Variants in EPRS1 observed in about 807,000 individuals in gnomAD.
EPRS1 encodes the protein glutamyl-prolyl-tRNA synthetase 1, also known as bifunctional glutamate/proline--tRNA ligase.
EPRS1 carries 107 observed loss-of-function variants against 188.3 expected under a neutral mutation model. The observed-to-expected ratio is 0.57, with a 90% CI of 0.49 to 0.67. The LOEUF is 0.67. EPRS1 is among the 30% of genes least tolerant of loss of function. The probability of loss-of-function intolerance (pLI) is 0.00; values close to 1 mark genes in which losing one functional copy is unlikely to be tolerated. For missense variants in EPRS1, 1,577 were observed against 1,802.2 expected (o/e 0.88, Z 2.26); for synonymous variants, 596 against 593.1 (o/e 1.00, Z -0.07).
intron 24 of EPRS1, 31 bp from the exon 25 acceptor site, chr1:219,980,888 T>A: frequency 6.7e-7 from 1 of 1,500,206 alleles, no homozygotes; most frequent in Non-Finnish European, 9.1e-7. Flanking sequence ...ATTTAGTCAT[T>A]ATAAAGAGCT....
At chr1:219,980,452 A>G (rs3767673) in intron 25 of EPRS1, among the ~76,000 whole-genome samples, 3,827 of 152,314 alleles carry the variant, frequency 0.025, 85 homozygotes, top group Admixed American at 0.066. Context: ...ACTTTTTAAA[A>G]TGTATATATG....
chr1:219,969,036 T>G, intron 31 of EPRS1, 22 bp downstream of exon 31: 1 of 1,612,640 alleles, frequency 6.2e-7, no homozygotes, highest in East Asian at 2.2e-5. Flanking sequence ...TTTCAAAAGT[T>G]TTGCCAGTTA....
At chr1:220,040,154 G>C in intron 2 of EPRS1, 31 bp downstream of exon 2, 2 of 1,384,956 alleles carry the variant, frequency 1.4e-6, no homozygotes, top group Non-Finnish European at 2.0e-6. Context: ...AAGCCAATCA[G>C]TACTGAAAAT....
At chr1:220,015,515 T>C (rs1021023012) in intron 12 of EPRS1, among the ~76,000 whole-genome samples, 3 of 90,240 alleles carry the variant, frequency 3.3e-5, no homozygotes, top group Admixed American at 2.7e-4. Flanking sequence ...AGAAAGAAAA[T>C]AAAAGATGGA....
intron 8 of EPRS1, 100 bp downstream of exon 8, chr1:220,024,164 C>G (rs751534187): frequency 2.3e-5 from 20 of 851,720 alleles, no homozygotes; most frequent in Non-Finnish European, 3.3e-5. Context: ...AACAAACAAA[C>G]AAACAAAAAA....
rs749301108 is a variant in EPRS1, at chr1:220,001,184, G to T, written c.2135C>A (p.Thr712Lys). The change falls in exon 17 of 32, where the codon ACA (threonine) becomes AAA (lysine). Residue 712 changes from threonine (T) to lysine (K), a missense_variant. Physicochemically the swap from Thr to Lys is moderately conservative, Grantham distance 78. Around this residue, in one of 3 missense-constraint regions of EPRS1, gnomAD observed 1,278 missense variants for 1,457.4 expected, o/e 0.88. Coordinates refer to ENST00000366923, the MANE Select transcript of EPRS1 (RefSeq NM_004446.3). ...IPDGHTKEMPTSGSKEKTKVE... is the reference protein window; with the variant it reads ...IPDGHTKEMPKSGSKEKTKVE... ...TTTGGTCTTTTCCTTTGACCCTGAT[G>T]TTGGCATTTCCTTTGTGTGCCCATC... The T allele has an allele frequency of 1.2e-6, 2 of 1,613,840 alleles. No homozygotes were observed. Among genetic ancestry groups the T allele is most frequent in the Non-Finnish European group, 1.7e-6 (2 of 1,179,808 alleles).
intron 1 of EPRS1, among the ~76,000 whole-genome samples, chr1:220,043,466 T>C (rs561613856): frequency 6.6e-6 from 1 of 152,228 alleles, no homozygotes; most frequent in South Asian, 2.1e-4. Flanking sequence ...AAAGTCACTA[T>C]CTCGCAAACA....
rs564143805 is a variant in EPRS1, at chr1:220,031,087, T to C, written c.529-607A>G. On this transcript the variant is annotated intron_variant, in intron 5 of 31. Coordinates refer to ENST00000366923, the MANE Select transcript of EPRS1 (RefSeq NM_004446.3). ...AGCCTGGGTGACGAGCAAAACTCTG[T>C]CTCAAAAAAAAAAAAAAAAGTATAT... Among the ~76,000 whole-genome samples, 216 of 56,634 alleles carry C rather than the reference T, an allele frequency of 3.8e-3. 1 individual carries two copies. The highest frequency in any genetic ancestry group is 3.5e-3 in the Non-Finnish European group (109 of 31,392). 37.2% of individuals were successfully genotyped at this position (56,634 alleles called of 152,430 possible).
At chr1:220,030,629 T>C in intron 5 of EPRS1, 149 bp from the exon 6 acceptor site, 1 of 628,216 alleles carries the variant, frequency 1.6e-6, no homozygotes. Context: ...GGGTACAAAA[T>C]CTGGTTAAGA....
chr1:220,005,841 GTTT>G (rs1158202804), intron 15 of EPRS1, among the ~76,000 whole-genome samples: 2 of 19,498 alleles, frequency 1.0e-4, no homozygotes, highest in East Asian at 4.1e-3. Context: ...TTTTTTTTTT[GTTT>G]TTTTTTGTAG....
chr1:219,978,971 T>TA (rs1558271046), intron 27 of EPRS1, among the ~76,000 whole-genome samples: 2 of 143,160 alleles, frequency 1.4e-5, no homozygotes, highest in African/African-American at 5.1e-5. Context: ...TATATTTTTT[T>TA]TTCCCCCCCA....
chr1:219,977,120 T>C (rs1660795905), intron 28 of EPRS1, among the ~76,000 whole-genome samples: 1 of 152,134 alleles, frequency 6.6e-6, no homozygotes, highest in Non-Finnish European at 1.5e-5. Flanking sequence ...GTCAAATAAA[T>C]ATAAATCCAG....
chr1:220,027,263 A>C (rs1169063070), intron 6 of EPRS1, among the ~76,000 whole-genome samples: 2 of 151,992 alleles, frequency 1.3e-5, no homozygotes, highest in Non-Finnish European at 2.9e-5. Context: ...TCTCTACTAA[A>C]AAAAATACAA....
At position 220,046,343 on chromosome 1, in the gene EPRS1, C is replaced by T; in HGVS notation, c.46G>A (p.Gly16Arg). The T allele has an allele frequency of 6.2e-7, 1 of 1,614,166 alleles. No homozygotes were observed. The highest frequency in any genetic ancestry group is 8.5e-7 in the Non-Finnish European group (1 of 1,180,044). The change falls in exon 1 of 32, where the codon GGA becomes AGA. Residue 16 changes from glycine to arginine, a missense_variant and splice_region_variant. Around this residue, in one of 3 missense-constraint regions of EPRS1, gnomAD observed 1,278 missense variants for 1,457.4 expected, o/e 0.88. Coordinates refer to ENST00000366923, the MANE Select transcript of EPRS1 (RefSeq NM_004446.3). ...CAGGTCATTGGTCTCGGCCCCTTAC[C>T]TAGCGGAGGGTCTCCTGAATTCACG... The part of the protein sequence containing the change: ...LTVNSGDPPL[G>R]ALLAVEHVKD...
chr1:219,997,957 A>G (rs902076730), intron 17 of EPRS1, among the ~76,000 whole-genome samples: 4 of 152,164 alleles, frequency 2.6e-5, no homozygotes, highest in Admixed American at 2.6e-4. Context: ...AAAATTATAA[A>G]TTTACAGGTA....
intron 16 of EPRS1, among the ~76,000 whole-genome samples, chr1:220,002,174 T>C (rs113023485): frequency 1.2e-3 from 187 of 151,332 alleles, no homozygotes; most frequent in African/African-American, 4.3e-3. Flanking sequence ...ACTTAAAAAA[T>C]ACAAAAATTT....
chr1:219,973,528 A>G (rs998839519), intron 28 of EPRS1, 130 bp from the exon 29 acceptor site: 2 of 366,072 alleles, frequency 5.5e-6, no homozygotes, highest in East Asian at 4.4e-5. Flanking sequence ...AAAAAAAACA[A>G]GAGAAAAAAA....
intron 2 of EPRS1, among the ~76,000 whole-genome samples, chr1:220,039,578 G>A (rs1662254407): frequency 6.6e-6 from 1 of 150,952 alleles, no homozygotes; most frequent in African/African-American, 2.4e-5. Context: ...GAGTGCAGTG[G>A]CGCGTTCTCG....
rs765001614 is a variant in EPRS1, at chr1:219,982,852, G to GA, written c.3301-9dup. The GA allele has an allele frequency of 1.9e-6, 3 of 1,612,894 alleles. No individual in the cohort carries two copies. Among genetic ancestry groups the GA allele is most frequent in the East Asian group, 2.2e-5 (1 of 44,856 alleles). On this transcript the variant is annotated splice_polypyrimidine_tract_variant and intron_variant, in intron 22 of 31. Coordinates refer to ENST00000366923, the MANE Select transcript of EPRS1 (RefSeq NM_004446.3). ...TCTTGTAACCCAAGCAACCTAGTAA[G>GA]AAAAAATCATTTTTCATACTTTTTT...
Sources: gnomAD v4.1 joint callset for allele counts (sites outside exome capture counted in the v4.1 genomes callset) on GRCh38, gnomAD v4.1.1 for gene constraint, gnomAD v4.1.1 regional missense constraint, MANE v1.5 for transcripts, NCBI Gene and HGNC (gene_info 2026-07-23, HGNC 2026-07-21) for gene names.